DAB1: variants seen among roughly 807,000 people sequenced by gnomAD.
DAB1 encodes the protein DAB adaptor protein 1.
A neutral mutation model predicts 64.6 loss-of-function variants in DAB1; 15 were observed. That is an observed-to-expected ratio of 0.23 (90% CI 0.16 to 0.36). The LOEUF is 0.36. DAB1 is among the 10% of genes least tolerant of loss of function. The pLI is 1.00. For synonymous variants in DAB1, 235 were observed against 251.9 expected (o/e 0.93, Z 0.64); for missense variants, 596 against 706.7 (o/e 0.84, Z 1.78).
chr1:57,844,031 C>T (rs1422567134), intron 1 of DAB1, among the ~76,000 whole-genome samples: 1 of 152,236 alleles, frequency 6.6e-6, no homozygotes, highest in East Asian at 1.9e-4. Context: ...AACACACTAT[C>T]TCTTTTCAAT....
intron 3 of DAB1, chr1:58,480,967 A>G (rs1645470211): frequency 1.2e-6 from 1 of 862,032 alleles, no homozygotes; most frequent in African/African-American, 1.6e-5. Context: ...ATTTTAATTC[A>G]ACTGCCCGTT....
chr1:57,427,064 T>A (rs948632471), upstream of DAB1, among the ~76,000 whole-genome samples: 1 of 151,798 alleles, frequency 6.6e-6, no homozygotes, highest in Non-Finnish European at 1.5e-5. Context: ...GGGGTTTCAC[T>A]GTGTTAGCCA....
At chr1:57,245,375 G>A (rs567387981) in intron 2 of DAB1, among the ~76,000 whole-genome samples, 1 of 152,202 alleles carries the variant, frequency 6.6e-6, no homozygotes, top group African/African-American at 2.4e-5. Context: ...TTGGCTTGCT[G>A]CACCCATCAA....
chr1:58,492,443 C>CA (rs1320034141), intron 3 of DAB1, among the ~76,000 whole-genome samples: 3 of 152,068 alleles, frequency 2.0e-5, no homozygotes, highest in Admixed American at 6.5e-5. Context: ...AATAGAGACA[C>CA]AAAAAACCCT....
chr1:57,447,750 C>T (rs559608893), intron 7 of DAB1, among the ~76,000 whole-genome samples: 94 of 152,270 alleles, frequency 6.2e-4, no homozygotes, highest in African/African-American at 2.2e-3. Flanking sequence ...ACCCAGCCTG[C>T]AGCAGCATCT....
intron 5 of DAB1, among the ~76,000 whole-genome samples, chr1:58,049,631 A>T (rs935847397): frequency 6.6e-6 from 1 of 152,194 alleles, no homozygotes; most frequent in African/African-American, 2.4e-5. Context: ...CCAGACTTAG[A>T]TTTGACTCTT....
At chr1:58,259,162 T>C (rs368248695) in intron 4 of DAB1, among the ~76,000 whole-genome samples, 304 of 152,292 alleles carry the variant, frequency 2.0e-3, no homozygotes, top group African/African-American at 7.0e-3. Flanking sequence ...TGTAGGGATA[T>C]GCTATAAAAC....
chr1:58,261,259 A>G (rs1257046444), intron 4 of DAB1, among the ~76,000 whole-genome samples: 1 of 152,188 alleles, frequency 6.6e-6, no homozygotes, highest in Non-Finnish European at 1.5e-5. Flanking sequence ...TAAAAAATAA[A>G]TAACAGTAAA....
At chr1:58,332,737 A>C (rs963232959) in intron 4 of DAB1, among the ~76,000 whole-genome samples, 1 of 152,232 alleles carries the variant, frequency 6.6e-6, no homozygotes, top group Non-Finnish European at 1.5e-5. Flanking sequence ...ATGGCTGGAC[A>C]TGAAGAAAAA....
At chr1:58,214,188 G>A (rs931844796) in intron 4 of DAB1, among the ~76,000 whole-genome samples, 2 of 152,072 alleles carry the variant, frequency 1.3e-5, no homozygotes, top group African/African-American at 4.8e-5. Context: ...GCCATGCCCT[G>A]CCATTAAAGC....
intron 7 of DAB1, among the ~76,000 whole-genome samples, chr1:57,449,783 A>T (rs1325558084): frequency 6.6e-6 from 1 of 152,138 alleles, no homozygotes; most frequent in African/African-American, 2.4e-5. Flanking sequence ...AAGGCTGGAA[A>T]ACTCTTTAGA....
At chr1:57,317,391 T>G (rs931042706) in intron 1 of DAB1, among the ~76,000 whole-genome samples, 2 of 152,368 alleles carry the variant, frequency 1.3e-5, no homozygotes, top group Admixed American at 1.3e-4. Context: ...TTTAAACTGC[T>G]ACATGTTAGA....
At chr1:57,794,315 G>A (rs1025639869) in intron 6 of DAB1, among the ~76,000 whole-genome samples, 1 of 152,160 alleles carries the variant, frequency 6.6e-6, no homozygotes, top group Non-Finnish European at 1.5e-5. Context: ...TCCTCAGCAC[G>A]AGGCTCAAGG....
chr1:57,905,840 A>C (rs966146135), intron 5 of DAB1, among the ~76,000 whole-genome samples: 1 of 152,214 alleles, frequency 6.6e-6, no homozygotes. Context: ...GGTATTAGAG[A>C]GGTCAAAACA....
chr1:57,268,184 G>A (rs1406665725), intron 2 of DAB1, among the ~76,000 whole-genome samples: 1 of 152,122 alleles, frequency 6.6e-6, no homozygotes, highest in Admixed American at 6.5e-5. Flanking sequence ...GGGAACAGGC[G>A]GTGTGCACCC....
At position 58,347,100 on chromosome 1, in the gene DAB1, T is replaced by TTTTG. The variant is rs745955682; in HGVS notation, n.258-3701_258-3698dup. 2.2e-3 allele frequency among the ~76,000 whole-genome samples: 236 copies of TTTTG among 108,186 alleles called. 1 individual carries two copies. The highest frequency in any genetic ancestry group is 3.3e-3 in the Non-Finnish European group (171 of 52,250). 71.0% of individuals were successfully genotyped at this position (108,186 alleles called of 152,430 possible). On this transcript the variant is annotated intron_variant and non_coding_transcript_variant, in intron 3 of 20. Coordinates refer to the DAB1 transcript ENST00000485760. ...TATGGGTTTGTTTTGTTTTGTTTTGTTTTGTTTGTTTGTTTGTTTGTTTTG... is the reference window on the plus strand; with the variant it reads ...TATGGGTTTGTTTTGTTTTGTTTTGTTTTGTTTGTTTGTTTGTTTGTTTGTTTTG...
intron 7 of DAB1, among the ~76,000 whole-genome samples, chr1:57,443,448 G>A (rs1448337590): frequency 6.6e-6 from 1 of 152,188 alleles, no homozygotes; most frequent in African/African-American, 2.4e-5. Context: ...ATCTCTGGAT[G>A]TTTTTCCTTA....
chr1:57,367,559 A>T (rs1372317358), intron 1 of DAB1, among the ~76,000 whole-genome samples: 1 of 152,206 alleles, frequency 6.6e-6, no homozygotes, highest in Non-Finnish European at 1.5e-5. Context: ...GCAGCTATCG[A>T]AAGAAACCAT....
intron 4 of DAB1, among the ~76,000 whole-genome samples, chr1:58,183,847 T>G (rs1199234604): frequency 6.6e-6 from 1 of 152,046 alleles, no homozygotes; most frequent in East Asian, 1.9e-4. Flanking sequence ...TCAGTTTTTC[T>G]TTTATTCCTC....
Sources: allele counts gnomAD v4.1 joint callset (sites outside exome capture counted in the v4.1 genomes callset), GRCh38; gene constraint gnomAD v4.1.1; transcripts MANE v1.5; gene names NCBI Gene and HGNC (gene_info 2026-07-23, HGNC 2026-07-21).